Variants in MCF2L observed in about 807,000 individuals in gnomAD.
MCF2L encodes MCF.2 cell line derived transforming sequence like, also known as guanine nucleotide exchange factor DBS.
In MCF2L, 97 loss-of-function variants were observed where a neutral mutation model predicts 153.4. The observed-to-expected ratio is 0.63, with a 90% confidence interval of 0.54 to 0.75. The LOEUF (loss-of-function observed/expected upper bound fraction) is 0.75. Ranked by LOEUF, MCF2L falls within the 30% of genes least tolerant of loss-of-function variation. MCF2L has a pLI of 0.00. For synonymous variants in MCF2L, 659 were observed against 632.2 expected, an observed-to-expected ratio of 1.04 and a Z score of -0.64; for missense variants, 1,347 against 1,495.2, an observed-to-expected ratio of 0.90 and a Z score of 1.64.
intron 3 of MCF2L, among the ~76,000 whole-genome samples, chr13:113,038,580 C>T (rs146129443): frequency 6.6e-6 from 1 of 151,888 alleles, no homozygotes; most frequent in Non-Finnish European, 1.5e-5. Flanking sequence ...TCTAAATAAA[C>T]ATATAGATCG....
intron 4 of MCF2L, 35 bp from the exon 5 acceptor site, chr13:113,060,558 C>G: frequency 6.2e-7 from 1 of 1,607,414 alleles, no homozygotes; most frequent in Non-Finnish European, 8.5e-7. Context: ...CTGCAGAGCA[C>G]GCTGCAGGCC....
rs918523498 is a variant in MCF2L at position 113,031,926 on chromosome 13, A to G, written c.278+7168A>G. Among the ~76,000 whole-genome samples, 2 of 152,126 alleles carry G rather than the reference A, an allele frequency of 1.3e-5. No individual in the cohort carries two copies. Among genetic ancestry groups the G allele is most frequent in the Non-Finnish European group, 2.9e-5 (2 of 68,018 alleles). ...GACACGCAGGCACTCATGCACTTAC[A>G]TACACAGATGTGCATGTGTATAACC... On this transcript the variant is annotated intron_variant, in intron 3 of 29. Coordinates refer to ENST00000535094, the MANE Select transcript of MCF2L (RefSeq NM_001112732.3). This position sits in a 1 kb window ranked among gnomAD's most constrained non-coding sequence, Gnocchi z 5.5.
rs370479953 is a variant in MCF2L at position 113,077,106 on chromosome 13, C to T, written c.1555C>T (p.Arg519Cys). The T allele has an allele frequency of 8.1e-6, 13 of 1,612,726 alleles. No homozygotes were observed. The highest frequency in any genetic ancestry group is 8.0e-5 in the African/African-American group (6 of 74,940). Reference sequence around the variant, plus strand: ...GGCAAGCATGGAGGAGGTGTTCCACCGCAGGCAGGCCAGCCTGAAGAAGCT... The same window carrying T: ...GGCAAGCATGGAGGAGGTGTTCCACTGCAGGCAGGCCAGCCTGAAGAAGCT... ...KQASMEEVFH[R>C]RQASLKKLAA... is the part of the protein sequence containing the mutation. Residue 519 changes from arginine to cysteine, a missense_variant, in exon 13 of 30, where the codon CGC becomes TGC. Around this residue, in one of 3 missense-constraint regions of MCF2L, gnomAD observed 820 missense variants for 921.2 expected, o/e 0.89. Transcript: ENST00000535094.
intron 2 of MCF2L, among the ~76,000 whole-genome samples, chr13:112,944,694 G>T (rs2081618442): frequency 6.6e-6 from 1 of 151,490 alleles, no homozygotes; most frequent in Admixed American, 6.6e-5. Flanking sequence ...CACTGTGTTA[G>T]CCAGGATGGT....
In MCF2L at chr13:113,014,747, T is replaced by C. The variant is rs72661975; in HGVS notation, c.80-16T>C. ...CTTCCTGGGACTGACACGTGCCGTC[T>C]GCTCTTTCCGTGCAGATGAAATCAT... On this transcript the variant is annotated splice_polypyrimidine_tract_variant and intron_variant, in intron 1 of 29. Transcript: ENST00000535094. 113,569 of 1,611,660 alleles carry C rather than the reference T, an allele frequency of 0.07. 4,845 individuals are homozygous for C. Among genetic ancestry groups the C allele is most frequent in the Non-Finnish European group, 0.082 (96,130 of 1,178,100 alleles).
At chr13:112,913,595 C>T (rs544637848) in intron 2 of MCF2L, among the ~76,000 whole-genome samples, 33 of 152,232 alleles carry the variant, frequency 2.2e-4, no homozygotes, top group Admixed American at 1.5e-3. Flanking sequence ...GGCAAATATG[C>T]GTTGTCTTTT....
chr13:113,046,343 C>T lies in MCF2L; in HGVS notation c.369+982C>T. ...CTCACGCCCGCCACAGCCCGTCCCTCCCAGGCTCTGGGACCCTGGGTCCTC... is the reference window on the plus strand; with the variant it reads ...CTCACGCCCGCCACAGCCCGTCCCTTCCAGGCTCTGGGACCCTGGGTCCTC... On this transcript the variant is annotated intron_variant, in intron 4 of 29. Coordinates refer to ENST00000535094, the MANE Select transcript of MCF2L (RefSeq NM_001112732.3). This position sits in a 1 kb window ranked among gnomAD's most constrained non-coding sequence, Gnocchi z 4.4. 1 of 335,582 alleles carries T rather than the reference C, an allele frequency of 3.0e-6. No homozygotes were observed. The highest frequency in any genetic ancestry group is 5.8e-6 in the Non-Finnish European group (1 of 172,328). 20.8% of individuals were successfully genotyped at this position (335,582 alleles called of 1,614,324 possible).
chr13:112,975,636 G>A (rs978706908), intron 1 of MCF2L, among the ~76,000 whole-genome samples: 7 of 152,178 alleles, frequency 4.6e-5, no homozygotes, highest in African/African-American at 1.2e-4. Context: ...GCAGGGAGCC[G>A]CTGCCGTGGT....
intron 1 of MCF2L, among the ~76,000 whole-genome samples, chr13:113,011,607 G>A (rs1342691135): frequency 6.7e-6 from 1 of 149,224 alleles, no homozygotes. Flanking sequence ...GGACACTGCA[G>A]TGTGGATGGT....
rs1442512430 is a variant in MCF2L at position 113,014,852 on chromosome 13, T to C, written c.163+6T>C. ...GCGCTTTGCTTACCTGTCCGGTGAGTTCCAGAAGCTGGGATGGGGTGGAGA... is the reference window on the plus strand; with the variant it reads ...GCGCTTTGCTTACCTGTCCGGTGAGCTCCAGAAGCTGGGATGGGGTGGAGA... On this transcript the variant is annotated splice_donor_region_variant and intron_variant, in intron 2 of 29. Transcript: ENST00000535094. The C allele has an allele frequency of 1.2e-6, 2 of 1,613,568 alleles. No individual in the cohort carries two copies. Among genetic ancestry groups the C allele is most frequent in the African/African-American group, 2.7e-5 (2 of 74,932 alleles).
chr13:112,997,985 T>C (rs1432106765), intron 1 of MCF2L, among the ~76,000 whole-genome samples: 1 of 152,128 alleles, frequency 6.6e-6, no homozygotes, highest in Non-Finnish European at 1.5e-5. Context: ...ATGAAGCCGG[T>C]GCGTCGGCTC....
At chr13:113,036,936 G>A (rs183450812) in intron 3 of MCF2L, among the ~76,000 whole-genome samples, 3 of 152,342 alleles carry the variant, frequency 2.0e-5, no homozygotes, top group Admixed American at 6.5e-5. Flanking sequence ...GGAGTGGCCC[G>A]AGAAGACCTG....
intron 20 of MCF2L, among the ~76,000 whole-genome samples, 169 bp from the exon 21 acceptor site, chr13:113,085,955 A>G (rs1175231277): frequency 6.6e-6 from 1 of 151,710 alleles, no homozygotes; most frequent in Non-Finnish European, 1.5e-5. Context: ...CCCCATCTGC[A>G]GCACCACTCA....
At position 113,096,595 on chromosome 13, in the gene MCF2L, C is replaced by A; in HGVS notation, c.3234C>A (p.Ala1078=). 1.2e-6 allele frequency: 2 copies of A among 1,603,502 alleles called. No homozygotes were observed. Among genetic ancestry groups the A allele is most frequent in the Non-Finnish European group, 1.7e-6 (2 of 1,178,370 alleles). ...CTGGCAAGGAGGGCTGGGTGCCGGC[C>A]AGCAGCCTGTCCGTCCGGCTCGGCC... ...PTTGKEGWVP[A]SSLSVRLGPS... The change falls in exon 29 of 30, where the codon GCC becomes GCA. Residue 1078 remains alanine (A), a synonymous_variant. Transcript: ENST00000535094.
chr13:112,953,719 C>T (rs184378336), intron 2 of MCF2L, among the ~76,000 whole-genome samples: 149 of 152,358 alleles, frequency 9.8e-4, no homozygotes, highest in African/African-American at 3.5e-3. Context: ...CCAGGCCTGC[C>T]TTGGTCCTGC....
At position 112,960,671 on chromosome 13, in the gene MCF2L, G is replaced by A. The variant is rs1267367351; in HGVS notation, c.170-54092G>A. On this transcript the variant is annotated intron_variant, in intron 2 of 29. Coordinates refer to the MCF2L transcript ENST00000375608. The surrounding 1 kb of genome is among the most constrained non-coding windows in gnomAD (Gnocchi z 4.2). ...TGGTCTATAGCTCTGGAGGCCAGAA[G>A]TTCTAACACCAAGGTGTGAGCAGGG... Among the ~76,000 whole-genome samples the A allele has an allele frequency of 6.6e-6, 1 of 152,200 alleles. No homozygotes were observed. Among genetic ancestry groups the A allele is most frequent in the African/African-American group, 2.4e-5 (1 of 41,438 alleles).
intron 2 of MCF2L, among the ~76,000 whole-genome samples, chr13:112,944,827 C>G (rs577672317): frequency 2.0e-5 from 3 of 152,256 alleles, no homozygotes; most frequent in African/African-American, 4.8e-5. Flanking sequence ...AGGGAAGGCC[C>G]TCCACCCTAC....
At chr13:113,036,718 TATC>T (rs1248484687) in intron 3 of MCF2L, among the ~76,000 whole-genome samples, 1 of 152,242 alleles carries the variant, frequency 6.6e-6, no homozygotes, top group East Asian at 1.9e-4. Flanking sequence ...GTGTCTGCGA[TATC>T]ATGCTCCCCT....
chr13:113,011,149 ACT>A (rs1433521773), intron 1 of MCF2L, among the ~76,000 whole-genome samples: 1 of 152,020 alleles, frequency 6.6e-6, no homozygotes, highest in Admixed American at 6.6e-5. Flanking sequence ...GAAGGCCAAC[ACT>A]CTGGTGTGGG....
Sources: allele counts gnomAD v4.1 joint callset (sites outside exome capture counted in the v4.1 genomes callset), GRCh38; gene constraint gnomAD v4.1.1; regional missense constraint gnomAD v4.1.1; non-coding constraint Gnocchi (gnomAD v3.1); transcripts MANE v1.5; gene names NCBI Gene and HGNC (gene_info 2026-07-23, HGNC 2026-07-21).